Variants in LSS observed in about 807,000 individuals in gnomAD.
The protein encoded by LSS is lanosterol synthase, also known as 2,3-epoxysqualene-lanosterol cyclase.
LSS carries 90 observed loss-of-function variants against 110.3 expected under a neutral mutation model. That is an observed-to-expected ratio of 0.82 (90% CI 0.69 to 0.97). The LOEUF (loss-of-function observed/expected upper bound fraction) is 0.97. LSS is among the 50% of genes least tolerant of loss of function. The pLI, the probability that LSS is intolerant of heterozygous loss-of-function variation, is 0.00. For missense variants in LSS, 927 were observed against 990.0 expected (o/e 0.94, Z 0.85); for synonymous variants, 433 against 400.0 (o/e 1.08, Z -0.98).
chr21:46,208,725 G>A (rs760958754), intron 13 of LSS, among the ~76,000 whole-genome samples: 6 of 152,116 alleles, frequency 3.9e-5, no homozygotes, highest in Non-Finnish European at 8.8e-5. Context: ...GTGCCGTAGG[G>A]TTCAGTCAGC....
At chr21:46,220,733 A>C (rs2080265999) in intron 5 of LSS, among the ~76,000 whole-genome samples, 5 of 152,108 alleles carry the variant, frequency 3.3e-5, no homozygotes, top group Admixed American at 2.0e-4. Flanking sequence ...TATAGGCAAG[A>C]GGAGAGGTAG....
chr21:46,212,411 G>C (rs1218565874), intron 11 of LSS, among the ~76,000 whole-genome samples: 1 of 152,236 alleles, frequency 6.6e-6, no homozygotes, highest in Non-Finnish European at 1.5e-5. Context: ...ACACTGTCTG[G>C]GCTTCTGACA....
chr21:46,197,503 T>C (rs979740812), intron 17 of LSS, among the ~76,000 whole-genome samples: 6 of 152,240 alleles, frequency 3.9e-5, no homozygotes, highest in African/African-American at 1.2e-4. Context: ...GAACACTCTC[T>C]AGCTCATTCT....
chr21:46,207,290 A>G, intron 15 of LSS, 138 bp downstream of exon 15: 1 of 1,071,568 alleles, frequency 9.3e-7, no homozygotes, highest in Non-Finnish European at 1.3e-6. Context: ...TTCTCCACAT[A>G]TAGACACCAT....
At chr21:46,197,638 C>A (rs2079926147) in intron 17 of LSS, among the ~76,000 whole-genome samples, 1 of 152,186 alleles carries the variant, frequency 6.6e-6, no homozygotes, top group African/African-American at 2.4e-5. Flanking sequence ...CCTTGTAATC[C>A]CAGCACTTTG....
chr21:46,198,309 G>T (rs1378692932), intron 17 of LSS, among the ~76,000 whole-genome samples: 1 of 148,416 alleles, frequency 6.7e-6, no homozygotes, highest in East Asian at 2.0e-4. Flanking sequence ...TACCAGCAAT[G>T]AACAATTAGA....
At chr21:46,202,990 T>C (rs2079998972) in intron 17 of LSS, among the ~76,000 whole-genome samples, 1 of 152,208 alleles carries the variant, frequency 6.6e-6, no homozygotes, top group South Asian at 2.1e-4. Flanking sequence ...GGACTCATTG[T>C]TCTACACAGT....
chr21:46,222,705 G>A lies in LSS; in HGVS notation c.353C>T (p.Pro118Leu), dbSNP rs1280515388. 1 of 1,613,896 alleles carries A rather than the reference G, an allele frequency of 6.2e-7. No individual in the cohort carries two copies. Among genetic ancestry groups the A allele is most frequent in the East Asian group, 2.2e-5 (1 of 44,892 alleles). ...LLITCHVARIPLPAGYREEIV... is the reference protein window; with the variant it reads ...LLITCHVARILLPAGYREEIV... ...CTCTTCTCTGTATCCGGCTGGCAGAGGGATGCGTGCCACGTGGCAAGTGAT... is the reference window on the plus strand; with the variant it reads ...CTCTTCTCTGTATCCGGCTGGCAGAAGGATGCGTGCCACGTGGCAAGTGAT... The change falls in exon 4 of 22, where the codon CCT becomes CTT. Residue 118 changes from proline (P) to leucine (L), a missense_variant. Coordinates refer to ENST00000397728, the MANE Select transcript of LSS (RefSeq NM_002340.6).
rs1306608720 is a variant in LSS, at chr21:46,215,237, C to T, written c.954G>A (p.Lys318=). 1.2e-6 allele frequency: 2 copies of T among 1,611,368 alleles called. No individual in the cohort carries two copies. Among genetic ancestry groups the T allele is most frequent in the Non-Finnish European group, 8.5e-7 (1 of 1,179,924 alleles). ...SAHLRQRAVQ[K]LYEHIVADDR... ...CGTCGGCCACAATGTGTTCATACAG[C>T]TTCTGCACGGCCCGCTGCCGCAGGT... is the stretch of plus-strand genomic sequence containing the variant. The change falls in exon 9 of 22, where the codon AAG becomes AAA. Residue 318 remains lysine, a synonymous_variant. Transcript: ENST00000397728.
At chr21:46,211,890 G>C (rs933431228) in intron 11 of LSS, among the ~76,000 whole-genome samples, 2 of 152,332 alleles carry the variant, frequency 1.3e-5, no homozygotes, top group Middle Eastern at 6.8e-3. Flanking sequence ...GTGCAGGCCT[G>C]GCCTGAATCC....
intron 17 of LSS, among the ~76,000 whole-genome samples, chr21:46,201,769 T>C (rs2079980528): frequency 6.6e-6 from 1 of 151,704 alleles, no homozygotes; most frequent in South Asian, 2.1e-4. Context: ...CTCCAAACTG[T>C]ATCTCAAAAA....
In LSS at chr21:46,192,973, C is replaced by T. The variant is rs111350927; in HGVS notation, c.1989-1014G>A. The T allele has an allele frequency of 1.5e-4, 59 of 380,824 alleles. 1 individual carries two copies. The Middle Eastern group carries it at 2.5e-3, about 16-fold the overall frequency. 23.6% of individuals were successfully genotyped at this position (380,824 alleles called of 1,614,324 possible). ...TGTGTATGGCACAGATGGGATACTG[C>T]GGGTGCATCTGCATGTGTGTACACA... On this transcript the variant is annotated intron_variant, in intron 20 of 21. Transcript: ENST00000397728.
At chr21:46,223,614 A>C (rs375542665) in intron 3 of LSS, among the ~76,000 whole-genome samples, 1 of 152,238 alleles carries the variant, frequency 6.6e-6, no homozygotes, top group East Asian at 1.9e-4. Context: ...GATCTTAGAG[A>C]TATATGAATA....
At chr21:46,208,564 GACT>G (rs1255761804) in intron 13 of LSS, among the ~76,000 whole-genome samples, 2 of 152,182 alleles carry the variant, frequency 1.3e-5, no homozygotes, top group Admixed American at 1.3e-4. Context: ...GTCAGCACCT[GACT>G]CCCCTGTGAT....
At position 46,209,337 on chromosome 21, in the gene LSS, C is replaced by T. The variant is rs948442245; in HGVS notation, c.1266+217G>A. Among the ~76,000 whole-genome samples, 2 of 152,022 alleles carry T rather than the reference C, an allele frequency of 1.3e-5. No individual in the cohort carries two copies. Among genetic ancestry groups the T allele is most frequent in the African/African-American group, 4.8e-5 (2 of 41,390 alleles). On this transcript the variant is annotated intron_variant, in intron 13 of 21. Transcript: ENST00000397728. The surrounding 1 kb of genome is among the most constrained non-coding windows in gnomAD (Gnocchi z 4.4). ...CAGAAACTGCCAGCACCCCCAGCAC[C>T]CTGCAGGCCTCAGAGAGCTGCCCCA...
Position 46,228,772 on chromosome 21 carries a change from A to G in LSS, c.-27T>C. 1 of 1,551,824 alleles carries G rather than the reference A, an allele frequency of 6.4e-7. No homozygotes were observed. Among genetic ancestry groups the G allele is most frequent in the South Asian group, 1.2e-5 (1 of 86,620 alleles). ...GCTGCTGCAGTGCTCTACGCCGCCC[A>G]CTGCCAGCTGCCAGATGTCCGCACC... On this transcript the variant is annotated 5_prime_UTR_variant, in exon 1 of 22. Coordinates refer to ENST00000397728, the MANE Select transcript of LSS (RefSeq NM_002340.6).
intron 12 of LSS, 129 bp downstream of exon 12, chr21:46,210,559 G>A (rs2080115766): frequency 2.1e-6 from 2 of 952,340 alleles, no homozygotes; most frequent in Non-Finnish European, 1.6e-6. Flanking sequence ...CCAGAGGCCA[G>A]AGCCCAGGTC....
chr21:46,208,212 C>G (rs2080078911), intron 14 of LSS, 39 bp downstream of exon 14: 2 of 1,548,866 alleles, frequency 1.3e-6, no homozygotes, highest in African/African-American at 1.4e-5. Flanking sequence ...GCGGCCTCCC[C>G]TGGGGGACGG....
chr21:46,194,712 C>A (rs753960538), intron 19 of LSS, 51 bp from the exon 20 acceptor site: 1 of 1,558,816 alleles, frequency 6.4e-7, no homozygotes, highest in Non-Finnish European at 8.7e-7. Flanking sequence ...AGGTCCCAGA[C>A]CCCTGGCTTC....
Sources: allele counts gnomAD v4.1 joint callset (sites outside exome capture counted in the v4.1 genomes callset), GRCh38; gene constraint gnomAD v4.1.1; non-coding constraint Gnocchi (gnomAD v3.1); transcripts MANE v1.5; gene names NCBI Gene and HGNC (gene_info 2026-07-23, HGNC 2026-07-21).